Variants in ZNF516 observed in about 807,000 individuals in gnomAD.
ZNF516 encodes the protein zinc finger protein 516.
Under a neutral mutation model 79.7 loss-of-function variants are expected in ZNF516, and 19 were observed. The ratio of observed to expected loss-of-function variants is 0.24; its 90% CI spans 0.17 to 0.35. The LOEUF (loss-of-function observed/expected upper bound fraction) is 0.35. ZNF516 is among the 10% of genes least tolerant of loss of function. The pLI, the probability that ZNF516 is intolerant of heterozygous loss-of-function variation, is 1.00. For missense variants in ZNF516, 1,678 were observed against 1,679.5 expected (o/e 1.00, Z 0.02); for synonymous variants, 877 against 739.5 (o/e 1.19, Z -3.02).
At chr18:76,423,828 A>T (rs1377230121) in intron 3 of ZNF516, among the ~76,000 whole-genome samples, 1 of 143,130 alleles carries the variant, frequency 7.0e-6, no homozygotes, top group Non-Finnish European at 1.5e-5. Context: ...AGGTTCCCCC[A>T]TGAAACACAT....
intron 1 of ZNF516, among the ~76,000 whole-genome samples, chr18:76,477,603 A>G (rs113814668): frequency 6.6e-6 from 1 of 152,082 alleles, no homozygotes; most frequent in African/African-American, 2.4e-5. Flanking sequence ...ACAAAATGTG[A>G]TTCTCTTGCA....
At chr18:76,471,021 T>G (rs1913802388) in intron 1 of ZNF516, among the ~76,000 whole-genome samples, 1 of 152,244 alleles carries the variant, frequency 6.6e-6, no homozygotes, top group Non-Finnish European at 1.5e-5. Context: ...CAAAGATATT[T>G]TTGTAAGTGG....
intron 3 of ZNF516, among the ~76,000 whole-genome samples, chr18:76,381,975 T>C (rs2074899792): frequency 6.6e-6 from 1 of 151,960 alleles, no homozygotes; most frequent in Admixed American, 6.6e-5. Context: ...CTGCTAAAAA[T>C]GCAAAAATTA....
intron 2 of ZNF516, among the ~76,000 whole-genome samples, chr18:76,455,531 A>G (rs934614302): frequency 2.6e-5 from 4 of 152,200 alleles, no homozygotes; most frequent in African/African-American, 9.6e-5. Context: ...CCCTGCTCCC[A>G]TTCAGCAGGG....
chr18:76,371,102 G>A (rs1015167002), intron 5 of ZNF516, among the ~76,000 whole-genome samples: 1 of 152,264 alleles, frequency 6.6e-6, no homozygotes, highest in African/African-American at 2.4e-5. Flanking sequence ...GTCAGTGCCA[G>A]TGAGGACACA....
intron 1 of ZNF516, among the ~76,000 whole-genome samples, chr18:76,473,898 T>TTGTGTGTGTG (rs538095992): frequency 5.7e-4 from 16 of 27,908 alleles, no homozygotes; most frequent in Non-Finnish European, 1.0e-3. Context: ...TTGGTTGTTT[T>TTGTGTGTGTG]TGTGTGGGGG....
rs974309057 is a variant in ZNF516, at chr18:76,494,379, C to G, written c.-272+765G>C. On this transcript the variant is annotated intron_variant, in intron 1 of 6. Transcript: ENST00000443185. ...TTCATCTCGCCACCGAGGCCTCCCCCACCCGCACCCGGCGGGGCGCAGCTC... is the reference window on the plus strand; with the variant it reads ...TTCATCTCGCCACCGAGGCCTCCCCGACCCGCACCCGGCGGGGCGCAGCTC... 2.0e-5 allele frequency among the ~76,000 whole-genome samples: 3 copies of G among 151,870 alleles called. No homozygotes were observed. In the East Asian group the frequency reaches 5.8e-4, roughly 29 times the overall value.
At chr18:76,412,761 T>A (rs565859187) in intron 3 of ZNF516, among the ~76,000 whole-genome samples, 1 of 152,346 alleles carries the variant, frequency 6.6e-6, no homozygotes, top group Non-Finnish European at 1.5e-5. Context: ...AGATTTTGTC[T>A]GGACACAGTT....
In ZNF516 at chr18:76,424,778, G is replaced by T. The variant is rs189073241; in HGVS notation, c.1810+16467C>A. 6.2e-4 allele frequency among the ~76,000 whole-genome samples: 72 copies of T among 116,700 alleles called. 1 individual carries two copies. The highest frequency in any genetic ancestry group is 1.5e-3 in the African/African-American group (44 of 29,000). 76.6% of individuals were successfully genotyped at this position (116,700 alleles called of 152,430 possible). A position where few individuals can be genotyped will look rare whatever the true frequency, so the allele number is the denominator to read the frequency against. ...CCCCAAAACACACGCAGGTGAAAAG[G>T]TTCCCCCGAAACACACGCAGGTGAA... On this transcript the variant is annotated intron_variant, in intron 3 of 6. Coordinates refer to ENST00000443185, the MANE Select transcript of ZNF516 (RefSeq NM_014643.4).
intron 3 of ZNF516, among the ~76,000 whole-genome samples, chr18:76,422,700 G>A (rs1221197023): frequency 1.3e-5 from 2 of 152,018 alleles, no homozygotes; most frequent in African/African-American, 4.8e-5. Flanking sequence ...ATGATGGGGG[G>A]CAGACATGGG....
Position 76,361,407 on chromosome 18 carries a change from G to A in ZNF516, c.*1091C>T, listed in dbSNP as rs1366634725. On this transcript the variant is annotated 3_prime_UTR_variant, in exon 7 of 7. Transcript: ENST00000443185. ...GCCGTCCCCCACCCAAGGGGCTGGT[G>A]ATCCCCACCCTTTATGAACAAAGTC... 1.3e-5 allele frequency: 2 copies of A among 152,216 alleles called. No individual in the cohort carries two copies. The highest frequency in any genetic ancestry group is 1.9e-4 in the East Asian group (1 of 5,192). 9.4% of individuals were successfully genotyped at this position (152,216 alleles called of 1,614,324 possible).
At chr18:76,364,295 G>A (rs1467873426) in intron 6 of ZNF516, among the ~76,000 whole-genome samples, 2 of 152,024 alleles carry the variant, frequency 1.3e-5, no homozygotes, top group Admixed American at 1.3e-4. Context: ...TTCACCGGAG[G>A]CCACCATGTT....
At chr18:76,389,502 G>A (rs1347983847) in intron 3 of ZNF516, 1 of 152,184 alleles carries the variant, frequency 6.6e-6, no homozygotes, top group Admixed American at 6.5e-5. Flanking sequence ...ATTCTGCAGG[G>A]ACAGACCTTC....
At chr18:76,406,990 G>A (rs886980131) in intron 3 of ZNF516, among the ~76,000 whole-genome samples, 2 of 152,294 alleles carry the variant, frequency 1.3e-5, no homozygotes, top group South Asian at 2.1e-4. Flanking sequence ...GTGCGTCTCC[G>A]TCCACTGTTG....
intron 3 of ZNF516, among the ~76,000 whole-genome samples, chr18:76,405,252 CAG>C (rs1416046338): frequency 6.6e-6 from 1 of 152,108 alleles, no homozygotes; most frequent in African/African-American, 2.4e-5. Context: ...TTTTTTGAGA[CAG>C]GGGTTTGACT....
At chr18:76,433,380 T>C (rs566577760) in intron 3 of ZNF516, among the ~76,000 whole-genome samples, 2 of 152,268 alleles carry the variant, frequency 1.3e-5, no homozygotes, top group East Asian at 3.9e-4. Context: ...GTCTGGCCCC[T>C]GTCTTCAATG....
Position 76,467,470 on chromosome 18 carries a change from A to T in ZNF516, c.-271-4329T>A, listed in dbSNP as rs1387180834. On this transcript the variant is annotated intron_variant, in intron 1 of 6. Transcript: ENST00000443185. This position sits in a 1 kb window ranked among gnomAD's most constrained non-coding sequence, Gnocchi z 4.2. Reference sequence around the variant, plus strand: ...CTGAGATCTCTCTCGCCCTAACTAGATATTAAGCACACCTCGGGGGCAGTG... The same window carrying T: ...CTGAGATCTCTCTCGCCCTAACTAGTTATTAAGCACACCTCGGGGGCAGTG... Among the ~76,000 whole-genome samples the T allele has an allele frequency of 6.6e-6, 1 of 152,172 alleles. No individual in the cohort carries two copies.
intron 6 of ZNF516, among the ~76,000 whole-genome samples, chr18:76,366,538 A>C (rs1024274907): frequency 6.6e-6 from 1 of 151,476 alleles, no homozygotes; most frequent in Non-Finnish European, 1.5e-5. Flanking sequence ...ACAAAGCCAC[A>C]AGACACCAAG....
intron 1 of ZNF516, among the ~76,000 whole-genome samples, chr18:76,485,006 A>T (rs1209846026): frequency 6.6e-6 from 1 of 152,032 alleles, no homozygotes; most frequent in Admixed American, 6.6e-5. Flanking sequence ...TTACGTTGCT[A>T]CGGCAAGCAC....
Sources: gnomAD v4.1 joint callset for allele counts (sites outside exome capture counted in the v4.1 genomes callset) on GRCh38, gnomAD v4.1.1 for gene constraint, Gnocchi (gnomAD v3.1) non-coding constraint, MANE v1.5 for transcripts, NCBI Gene and HGNC (gene_info 2026-07-23, HGNC 2026-07-21) for gene names.